Variants in PPARD observed in about 807,000 individuals in gnomAD.
PPARD encodes peroxisome proliferator activated receptor delta.
Under a neutral mutation model 39.5 loss-of-function variants are expected in PPARD, and 6 were observed. That is an observed-to-expected ratio of 0.15 (90% confidence interval 0.08 to 0.30). PPARD has a LOEUF of 0.30. Ranked by LOEUF, PPARD falls within the 10% of genes least tolerant of loss-of-function variation. PPARD has a pLI of 1.00. For missense variants in PPARD, 397 were observed against 596.8 expected (o/e 0.67, Z 3.49); for synonymous variants, 210 against 231.3 (o/e 0.91, Z 0.83).
intron 5 of PPARD, among the ~76,000 whole-genome samples, chr6:35,422,430 T>C (rs1425939357): frequency 2.0e-5 from 3 of 152,202 alleles, no homozygotes; most frequent in Admixed American, 6.5e-5. Context: ...CAGAAGTTTC[T>C]TGGAGGTCAC....
At chr6:35,396,366 G>A (rs1488020249) in intron 2 of PPARD, among the ~76,000 whole-genome samples, 1 of 150,964 alleles carries the variant, frequency 6.6e-6, no homozygotes, top group African/African-American at 2.4e-5. Context: ...CACCACGCCT[G>A]GCCAATTTTT....
chr6:35,390,174 A>G (rs954749987), intron 2 of PPARD, among the ~76,000 whole-genome samples: 1 of 152,220 alleles, frequency 6.6e-6, no homozygotes. Context: ...GCTAGAAGAA[A>G]GGGCCATTAC....
At chr6:35,389,064 G>A (rs916594217) in intron 2 of PPARD, among the ~76,000 whole-genome samples, 1 of 151,952 alleles carries the variant, frequency 6.6e-6, no homozygotes, top group Non-Finnish European at 1.5e-5. Flanking sequence ...TGTAATCCCA[G>A]TACTTTGGGA....
At chr6:35,395,966 C>T (rs1448385710) in intron 2 of PPARD, among the ~76,000 whole-genome samples, 2 of 152,160 alleles carry the variant, frequency 1.3e-5, no homozygotes, top group African/African-American at 4.8e-5. Flanking sequence ...GTGCTGTGCA[C>T]TGTTTGATTC....
chr6:35,408,765 T>C (rs1466448554), intron 2 of PPARD, among the ~76,000 whole-genome samples: 1 of 152,244 alleles, frequency 6.6e-6, no homozygotes, highest in Non-Finnish European at 1.5e-5. Flanking sequence ...GGTTTTTTCG[T>C]TCTAACTCTA....
intron 2 of PPARD, among the ~76,000 whole-genome samples, chr6:35,384,974 C>G (rs1354231074): frequency 2.3e-5 from 3 of 133,234 alleles, no homozygotes; most frequent in Admixed American, 7.0e-5. Flanking sequence ...GGGGGTCAGC[C>G]CCCCGCCGGG....
rs73746403 is a variant in PPARD at position 35,374,287 on chromosome 6, G to A, written c.-102+27137G>A. Among the ~76,000 whole-genome samples the A allele has an allele frequency of 4.8e-3, 700 of 144,884 alleles. 8 individuals carry two copies. The highest frequency in any genetic ancestry group is 0.018 in the African/African-American group (642 of 35,378). Reference sequence around the variant, plus strand: ...TGGGAAACATGGGTTTATTGCTAAGGTCATGGTTAGTTCTCGGCGGTGGGG... The same window carrying A: ...TGGGAAACATGGGTTTATTGCTAAGATCATGGTTAGTTCTCGGCGGTGGGG... On this transcript the variant is annotated intron_variant, in intron 2 of 7. Coordinates refer to ENST00000360694, the MANE Select transcript of PPARD (RefSeq NM_006238.5).
chr6:35,393,732 GAA>G (rs1764149809), intron 2 of PPARD, among the ~76,000 whole-genome samples: 1 of 152,152 alleles, frequency 6.6e-6, no homozygotes, highest in African/African-American at 2.4e-5. Context: ...CCTGAGATTT[GAA>G]ACCTCTTGTT....
intron 2 of PPARD, among the ~76,000 whole-genome samples, chr6:35,361,468 T>C (rs1203794339): frequency 6.6e-6 from 1 of 152,184 alleles, no homozygotes; most frequent in East Asian, 1.9e-4. Context: ...GGCAACGTAG[T>C]GAGACCCAGT....
At position 35,344,723 on chromosome 6, in the gene PPARD, C is replaced by T. The variant is rs559968463; in HGVS notation, c.-186+2042C>T. ...CCAGATTGGACATGGGAGTTGGCAA[C>T]CTTTAGGAGCTGCGGTGGAGAGCCA... is the stretch of plus-strand genomic sequence containing the variant. On this transcript the variant is annotated intron_variant, in intron 1 of 7. Coordinates refer to ENST00000360694, the MANE Select transcript of PPARD (RefSeq NM_006238.5). 2.6e-5 allele frequency among the ~76,000 whole-genome samples: 4 copies of T among 152,184 alleles called. No homozygotes were observed. In the East Asian group the frequency reaches 7.7e-4, roughly 29 times the overall value.
chr6:35,368,273 G>A (rs1762306615), intron 2 of PPARD, among the ~76,000 whole-genome samples: 1 of 152,224 alleles, frequency 6.6e-6, no homozygotes, highest in Non-Finnish European at 1.5e-5. Context: ...AGCCAGACAT[G>A]CATGGAATTT....
chr6:35,362,744 G>A (rs1261934473), intron 2 of PPARD, among the ~76,000 whole-genome samples: 1 of 152,140 alleles, frequency 6.6e-6, no homozygotes, highest in Non-Finnish European at 1.5e-5. Flanking sequence ...CAAGCAAGCT[G>A]GCCAGGAAGA....
intron 2 of PPARD, chr6:35,397,682 C>T: frequency 1.3e-5 from 5 of 378,352 alleles, no homozygotes; most frequent in Non-Finnish European, 1.8e-5. Flanking sequence ...AGACAAAAAT[C>T]TCTGCCTCCT....
At position 35,412,368 on chromosome 6, in the gene PPARD, C is replaced by T. The variant is rs2150786257; in HGVS notation, c.130+1151C>T. Among the ~76,000 whole-genome samples, 1 of 152,292 alleles carries T rather than the reference C, an allele frequency of 6.6e-6. No individual in the cohort carries two copies. Among genetic ancestry groups the T allele is most frequent in the South Asian group, 2.1e-4 (1 of 4,826 alleles). On this transcript the variant is annotated intron_variant, in intron 3 of 7. Transcript: ENST00000360694. This position sits in a 1 kb window ranked among gnomAD's most constrained non-coding sequence, Gnocchi z 4.1. Reference sequence around the variant, plus strand: ...AGGATATACTGCTGGGAGTAGACACCCTGCACTCGCTGCTGCTTTCAGCTG... The same window carrying T: ...AGGATATACTGCTGGGAGTAGACACTCTGCACTCGCTGCTGCTTTCAGCTG...
At position 35,421,891 on chromosome 6, in the gene PPARD, G is replaced by A. The variant is rs768432649; in HGVS notation, c.357G>A (p.Lys119=). The A allele has an allele frequency of 1.2e-6, 2 of 1,614,052 alleles. No individual in the cohort carries two copies. Among genetic ancestry groups the A allele is most frequent in the African/African-American group, 1.3e-5 (1 of 75,040 alleles). Residue 119 remains lysine (K), a synonymous_variant, in exon 5 of 8, where the codon AAG becomes AAA. Transcript: ENST00000360694. ...GTGAGCGCAGCTGCAAGATTCAGAA[G>A]AAGAACCGCAACAAGTGCCAGTACT... ...EKCERSCKIQ[K]KNRNKCQYCR...
intron 2 of PPARD, among the ~76,000 whole-genome samples, chr6:35,384,743 A>T (rs1763479296): frequency 1.5e-5 from 1 of 68,330 alleles, no homozygotes; most frequent in South Asian, 5.7e-4. Flanking sequence ...CTGGGAAGTG[A>T]GGAGCCCCTC....
chr6:35,355,778 AT>A lies in PPARD; in HGVS notation c.-102+8634del, dbSNP rs1404208277. Among the ~76,000 whole-genome samples the A allele has an allele frequency of 1.3e-5, 2 of 150,706 alleles. 1 individual carries two copies. The highest frequency in any genetic ancestry group is 1.3e-4 in the Admixed American group (2 of 15,090). ...AGGCGCCCGCCACCACTCCTGGCTA[AT>A]TTTTTGTATTTTTGGTAGAGACAGG... On this transcript the variant is annotated intron_variant, in intron 2 of 7. Transcript: ENST00000360694.
intron 2 of PPARD, among the ~76,000 whole-genome samples, chr6:35,407,389 A>G (rs552423386): frequency 6.6e-6 from 1 of 151,302 alleles, no homozygotes; most frequent in Admixed American, 6.6e-5. Flanking sequence ...GGGTCCCACC[A>G]TCTGACCCTT....
intron 2 of PPARD, among the ~76,000 whole-genome samples, chr6:35,367,380 C>T (rs892038232): frequency 1.3e-5 from 2 of 152,100 alleles, no homozygotes; most frequent in African/African-American, 2.4e-5. Flanking sequence ...ATTGGGTTTG[C>T]GCAGATAGTG....
Sources: allele counts gnomAD v4.1 joint callset (sites outside exome capture counted in the v4.1 genomes callset), GRCh38; gene constraint gnomAD v4.1.1; non-coding constraint Gnocchi (gnomAD v3.1); transcripts MANE v1.5; gene names NCBI Gene and HGNC (gene_info 2026-07-23, HGNC 2026-07-21).